The following PC variants were observed in gnomAD, a reference collection of about 807,000 sequenced individuals.
PC encodes pyruvate carboxylase, mitochondrial.
PC carries 46 observed loss-of-function variants against 107.8 expected under a neutral mutation model. The ratio of observed to expected loss-of-function variants is 0.43; its 90% CI spans 0.34 to 0.55. PC has a LOEUF of 0.55. Among genes scored for constraint, PC ranks in the 20% least tolerant of loss-of-function variants. The probability of loss-of-function intolerance (pLI) is 0.04; values close to 1 mark genes in which losing one functional copy is unlikely to be tolerated. For missense variants in PC, 1,241 were observed against 1,643.1 expected, an observed-to-expected ratio of 0.76 and a Z score of 4.23; for synonymous variants, 662 against 684.7, an observed-to-expected ratio of 0.97 and a Z score of 0.52.
chr11:66,916,309 CTCCTGGGCGCA>C (rs1948461600), intron 3 of PC, among the ~76,000 whole-genome samples: 1 of 152,174 alleles, frequency 6.6e-6, no homozygotes, highest in African/African-American at 2.4e-5. Flanking sequence ...TGGTCTTCAC[CTCCTGGGCGCA>C]GGTGATCCTC....
chr11:66,957,384 G>C (rs1949589231), intron 1 of PC, among the ~76,000 whole-genome samples: 1 of 152,242 alleles, frequency 6.6e-6, no homozygotes, highest in African/African-American at 2.4e-5. Flanking sequence ...TGGGAAGCCA[G>C]GGCAGGCCGC....
At chr11:66,891,515 T>C (rs548263166) in intron 3 of PC, among the ~76,000 whole-genome samples, 1 of 152,258 alleles carries the variant, frequency 6.6e-6, no homozygotes, top group Admixed American at 6.5e-5. Context: ...AGCCTCAGCC[T>C]CCCGAGTAGC....
intron 3 of PC, among the ~76,000 whole-genome samples, chr11:66,872,572 C>CA (rs879567217): frequency 9.9e-4 from 138 of 139,234 alleles, no homozygotes; most frequent in Middle Eastern, 3.6e-3. Context: ...ACTAAAAATA[C>CA]AAAAAAAAAA....
At chr11:66,909,851 C>T (rs1948283197) in intron 3 of PC, among the ~76,000 whole-genome samples, 1 of 152,002 alleles carries the variant, frequency 6.6e-6, no homozygotes, top group Non-Finnish European at 1.5e-5. Flanking sequence ...GTGGTGTGGC[C>T]AGGACACGGG....
At chr11:66,925,520 CTT>C (rs1050857211) in intron 3 of PC, among the ~76,000 whole-genome samples, 9 of 152,366 alleles carry the variant, frequency 5.9e-5, no homozygotes, top group African/African-American at 1.9e-4. Context: ...GGTTCTCTCT[CTT>C]GTTCCCTGAA....
rs1346703838 is a variant in PC, at chr11:66,858,263, C to T, written c.1369-4880G>A. 5 of 1,612,276 alleles carry T rather than the reference C, an allele frequency of 3.1e-6. No individual in the cohort carries two copies. The highest frequency in any genetic ancestry group is 4.2e-6 in the Non-Finnish European group (5 of 1,179,946). On this transcript the variant is annotated intron_variant, in intron 12 of 22. Transcript: ENST00000393960. This position sits in a 1 kb window ranked among gnomAD's most constrained non-coding sequence, Gnocchi z 5.9. ...TCGGCGCCATGCCTGCCCTGCACAC[C>T]CTCAACCTGGACCATAACCTTATTG... is the stretch of plus-strand genomic sequence containing the variant.
chr11:66,870,045 G>A lies in PC; in HGVS notation c.903+257C>T, dbSNP rs1293058510. ...TGTGTAGCAGCAGGGCTGAGGAGGC[G>A]GCTGGGGCTCCTTCCCTCCCTCTTC... is the stretch of plus-strand genomic sequence containing the variant. On this transcript the variant is annotated intron_variant, in intron 9 of 22. Transcript: ENST00000393960. The surrounding 1 kb of genome is among the most constrained non-coding windows in gnomAD (Gnocchi z 6.1). 2.6e-5 allele frequency among the ~76,000 whole-genome samples: 4 copies of A among 152,140 alleles called. No homozygotes were observed. The highest frequency in any genetic ancestry group is 7.2e-5 in the African/African-American group (3 of 41,422).
intron 3 of PC, among the ~76,000 whole-genome samples, chr11:66,885,353 G>T (rs1027087190): frequency 3.3e-5 from 5 of 152,018 alleles, no homozygotes; most frequent in African/African-American, 1.2e-4. Flanking sequence ...AGCCAGGTGT[G>T]GTGGTGGCTG....
In PC at chr11:66,848,622, G is replaced by T; in HGVS notation, c.*277C>A. The T allele has an allele frequency of 1.7e-6, 1 of 603,160 alleles. No homozygotes were observed. The highest frequency in any genetic ancestry group is 3.0e-6 in the Non-Finnish European group (1 of 338,128). The allele number at this position is 603,160 out of a possible 1,614,324, so 37.4% of individuals were successfully genotyped here. A position where few individuals can be genotyped will look rare whatever the true frequency, so the allele number is the denominator to read the frequency against. ...GAGATAGGACCCCTAAACCTCCCCT[G>T]GGTCCTAGGACCACCTGACCCACCA... On this transcript the variant is annotated 3_prime_UTR_variant, in exon 23 of 23. Transcript: ENST00000393960.
intron 12 of PC, among the ~76,000 whole-genome samples, chr11:66,859,380 G>A (rs1946098936): frequency 6.6e-6 from 1 of 152,156 alleles, no homozygotes; most frequent in Non-Finnish European, 1.5e-5. Context: ...TGAAGCACAT[G>A]GCCCGCGCCC....
rs1945544867 is a variant in PC, at chr11:66,852,251, G to A, written c.1825+188C>T. Among the ~76,000 whole-genome samples the A allele has an allele frequency of 6.6e-6, 1 of 152,202 alleles. No individual in the cohort carries two copies. Among genetic ancestry groups the A allele is most frequent in the African/African-American group, 2.4e-5 (1 of 41,434 alleles). On this transcript the variant is annotated intron_variant, in intron 15 of 22. Transcript: ENST00000393960. This position sits in a 1 kb window ranked among gnomAD's most constrained non-coding sequence, Gnocchi z 4.7. ...CCCTGGACCTCCCAGGATGCACCTGGTCTCAGCTCTGCAACCTCGTGCCGG... is the reference window on the plus strand; with the variant it reads ...CCCTGGACCTCCCAGGATGCACCTGATCTCAGCTCTGCAACCTCGTGCCGG...
At chr11:66,897,818 G>C (rs534266852) in intron 3 of PC, among the ~76,000 whole-genome samples, 18 of 152,122 alleles carry the variant, frequency 1.2e-4, no homozygotes, top group Admixed American at 9.8e-4. Context: ...ATGTCCACTT[G>C]GTAGAGATAA....
At chr11:66,912,036 A>C (rs1161179863) in intron 3 of PC, among the ~76,000 whole-genome samples, 2 of 152,002 alleles carry the variant, frequency 1.3e-5, no homozygotes, top group Non-Finnish European at 2.9e-5. Flanking sequence ...AGAAAAAAGA[A>C]AGAAAAGAAA....
chr11:66,946,626 A>C (rs1209227558), intron 3 of PC, among the ~76,000 whole-genome samples: 7 of 152,108 alleles, frequency 4.6e-5, no homozygotes, highest in Non-Finnish European at 1.0e-4. Flanking sequence ...ATCTCAAAAA[A>C]AAAATTTTTT....
chr11:66,880,559 G>A (rs1947151634), intron 3 of PC, among the ~76,000 whole-genome samples: 1 of 152,198 alleles, frequency 6.6e-6, no homozygotes, highest in Non-Finnish European at 1.5e-5. Flanking sequence ...GACACTCCCG[G>A]TCCTCAGGCT....
At chr11:66,893,220 C>G (rs1200844972) in intron 3 of PC, among the ~76,000 whole-genome samples, 1 of 152,170 alleles carries the variant, frequency 6.6e-6, no homozygotes, top group Non-Finnish European at 1.5e-5. Flanking sequence ...TAGCCTGACA[C>G]GGGCCACAGT....
At position 66,900,848 on chromosome 11, in the gene PC, C is replaced by T. The variant is rs1045080497; in HGVS notation, c.1-28689G>A. On this transcript the variant is annotated intron_variant, in intron 3 of 22. Coordinates refer to ENST00000393960, the MANE Select transcript of PC (RefSeq NM_001040716.2). ...GGCATACTGATCTTATGTCCTGCAA[C>T]CTTGCTGAACTCATTTAATTCAAAT... Among the ~76,000 whole-genome samples, 4 of 152,170 alleles carry T rather than the reference C, an allele frequency of 2.6e-5. No individual in the cohort carries two copies. The East Asian group carries it at 7.7e-4, about 29-fold the overall frequency.
At chr11:66,878,054 G>A (rs973920475) in intron 3 of PC, among the ~76,000 whole-genome samples, 4 of 152,226 alleles carry the variant, frequency 2.6e-5, no homozygotes, top group Admixed American at 6.5e-5. Context: ...GAAGAGCTCC[G>A]CAGGAAAAGG....
chr11:66,927,680 G>C (rs1017054813), intron 3 of PC, among the ~76,000 whole-genome samples: 1 of 150,742 alleles, frequency 6.6e-6, no homozygotes, highest in African/African-American at 2.4e-5. Context: ...CTGAGATCGT[G>C]CCACGGCACT....
Sources: allele counts gnomAD v4.1 joint callset (sites outside exome capture counted in the v4.1 genomes callset), GRCh38; gene constraint gnomAD v4.1.1; non-coding constraint Gnocchi (gnomAD v3.1); transcripts MANE v1.5; gene names NCBI Gene and HGNC (gene_info 2026-07-23, HGNC 2026-07-21).